The following RBMS2 variants were observed in gnomAD, a reference collection of about 807,000 sequenced individuals.
RBMS2 encodes RNA-binding motif, single-stranded-interacting protein 2.
A neutral mutation model predicts 58.4 loss-of-function variants in RBMS2; 38 were observed. The observed-to-expected ratio is 0.65, with a 90% CI of 0.50 to 0.85. The LOEUF (loss-of-function observed/expected upper bound fraction) is 0.85, where lower values mean the gene tolerates loss of function less well. Ranked by LOEUF, RBMS2 falls within the 40% of genes least tolerant of loss-of-function variation. RBMS2 has a pLI of 0.00. For synonymous variants in RBMS2, 151 were observed against 180.7 expected (o/e 0.84, Z 1.32); for missense variants, 367 against 503.7 (o/e 0.73, Z 2.60).
At chr12:56,525,954 C>T (rs1416942864) in intron 1 of RBMS2, among the ~76,000 whole-genome samples, 3 of 151,998 alleles carry the variant, frequency 2.0e-5, no homozygotes, top group East Asian at 1.9e-4. Flanking sequence ...TGAGCCACCA[C>T]GCCCTACCTA....
chr12:56,540,481 C>T (rs1015560871), intron 1 of RBMS2, among the ~76,000 whole-genome samples: 1 of 152,106 alleles, frequency 6.6e-6, no homozygotes, highest in African/African-American at 2.4e-5. Context: ...TCAGGTGATC[C>T]TCCTGCCTTA....
At chr12:56,560,338 C>A (rs1029381071) in intron 1 of RBMS2, among the ~76,000 whole-genome samples, 4 of 151,342 alleles carry the variant, frequency 2.6e-5, no homozygotes, top group African/African-American at 9.7e-5. Flanking sequence ...CTCACTGCAA[C>A]CTCTGCCTCC....
chr12:56,568,539 CTT>C (rs1257717979), intron 2 of RBMS2, among the ~76,000 whole-genome samples: 9 of 136,020 alleles, frequency 6.6e-5, no homozygotes, highest in Admixed American at 7.8e-5. Flanking sequence ...TCTTTTTTTT[CTT>C]TTTTTTTTTT....
At chr12:56,549,437 CATT>C (rs1223768217) in intron 1 of RBMS2, among the ~76,000 whole-genome samples, 2 of 152,122 alleles carry the variant, frequency 1.3e-5, no homozygotes, top group Non-Finnish European at 2.9e-5. Flanking sequence ...CTCCTTCTAT[CATT>C]ATAATCTCTT....
intron 1 of RBMS2, among the ~76,000 whole-genome samples, chr12:56,527,618 AAAACAAAAAC>A (rs1275214706): frequency 1.3e-5 from 2 of 152,070 alleles, no homozygotes; most frequent in African/African-American, 4.8e-5. Flanking sequence ...CCATCTCAAA[AAAACAAAAAC>A]AAACAAAAAC....
chr12:56,564,150 C>T (rs1031037889), intron 2 of RBMS2, among the ~76,000 whole-genome samples: 7 of 151,198 alleles, frequency 4.6e-5, no homozygotes, highest in African/African-American at 7.3e-5. Flanking sequence ...TGGGGTTTTA[C>T]TGTGTTGTCC....
chr12:56,572,059 C>T (rs1449879542), intron 5 of RBMS2, among the ~76,000 whole-genome samples: 1 of 152,072 alleles, frequency 6.6e-6, no homozygotes, highest in Non-Finnish European at 1.5e-5. Context: ...GAGGCCAAGG[C>T]AGGCATATCA....
Position 56,588,429 on chromosome 12 carries a change from T to C in RBMS2, c.1143+55T>C, listed in dbSNP as rs1884979772. 8.1e-6 allele frequency: 12 copies of C among 1,472,894 alleles called. No homozygotes were observed. In the South Asian group the frequency reaches 1.1e-4, roughly 14 times the overall value. The allele number at this position is 1,472,894 out of a possible 1,614,324, so 91.2% of individuals were successfully genotyped here. ...GATTAGGAAAATGAACGGAGGCAGGTTTCCCCCTGATCAAGATCTTTCTCT... is the reference window on the plus strand; with the variant it reads ...GATTAGGAAAATGAACGGAGGCAGGCTTCCCCCTGATCAAGATCTTTCTCT... On this transcript the variant is annotated intron_variant, in intron 12 of 13. Coordinates refer to ENST00000262031, the MANE Select transcript of RBMS2 (RefSeq NM_002898.4).
chr12:56,570,567 C>G (rs779856583), intron 4 of RBMS2, among the ~76,000 whole-genome samples: 4 of 152,072 alleles, frequency 2.6e-5, no homozygotes, highest in Non-Finnish European at 4.4e-5. Context: ...CCTTGCCTTT[C>G]TATTTTATTT....
chr12:56,587,128 G>A (rs1370907527), intron 10 of RBMS2, among the ~76,000 whole-genome samples: 4 of 152,184 alleles, frequency 2.6e-5, no homozygotes, highest in African/African-American at 7.2e-5. Flanking sequence ...TTAGCCAGGT[G>A]TAGTGGCGGG....
chr12:56,550,757 G>A (rs1878105943), intron 1 of RBMS2, among the ~76,000 whole-genome samples: 1 of 151,584 alleles, frequency 6.6e-6, no homozygotes, highest in African/African-American at 2.4e-5. Flanking sequence ...TAGGAGAATC[G>A]CTTGAACCCA....
At chr12:56,577,025 A>T (rs973547142) in intron 5 of RBMS2, among the ~76,000 whole-genome samples, 44 of 121,082 alleles carry the variant, frequency 3.6e-4, no homozygotes, top group African/African-American at 1.4e-3. Flanking sequence ...TGGATGACAG[A>T]GTGAGATTCC....
At chr12:56,558,770 ATT>A (rs71081380) in intron 1 of RBMS2, among the ~76,000 whole-genome samples, 14 of 149,302 alleles carry the variant, frequency 9.4e-5, no homozygotes, top group Admixed American at 2.7e-4. Context: ...TAATTTTTGC[ATT>A]TTTTTTTTAT....
intron 1 of RBMS2, among the ~76,000 whole-genome samples, chr12:56,546,711 C>T (rs533529499): frequency 6.6e-6 from 1 of 152,032 alleles, no homozygotes; most frequent in African/African-American, 2.4e-5. Flanking sequence ...TCAAATGATC[C>T]GACTGCCTCA....
At chr12:56,536,551 CTCCTTCTT>C (rs1039833458) in intron 1 of RBMS2, among the ~76,000 whole-genome samples, 2 of 150,292 alleles carry the variant, frequency 1.3e-5, no homozygotes, top group African/African-American at 4.9e-5. Context: ...CTCTCCTTCT[CTCCTTCTT>C]TCTTTTTTTT....
intron 2 of RBMS2, among the ~76,000 whole-genome samples, chr12:56,567,649 T>C (rs1881595814): frequency 6.6e-6 from 1 of 151,930 alleles, no homozygotes; most frequent in South Asian, 2.1e-4. Flanking sequence ...CCAGCCTGGG[T>C]AGCATAGTAA....
At chr12:56,583,212 A>T (rs1466059236) in intron 9 of RBMS2, among the ~76,000 whole-genome samples, 2 of 152,112 alleles carry the variant, frequency 1.3e-5, no homozygotes. Flanking sequence ...CAGGAGGTGG[A>T]TTGCTAGGTT....
chr12:56,542,193 G>C (rs939220853), intron 1 of RBMS2, among the ~76,000 whole-genome samples: 1 of 151,600 alleles, frequency 6.6e-6, no homozygotes, highest in Non-Finnish European at 1.5e-5. Flanking sequence ...GACTACTTAC[G>C]GGCACATGCC....
chr12:56,568,327 C>T (rs181424289), intron 2 of RBMS2, among the ~76,000 whole-genome samples: 1 of 152,268 alleles, frequency 6.6e-6, no homozygotes, highest in Admixed American at 6.5e-5. Flanking sequence ...AGCCAGAGCT[C>T]TGCCTCTACA....
Sources: gnomAD v4.1 joint callset for allele counts (sites outside exome capture counted in the v4.1 genomes callset) on GRCh38, gnomAD v4.1.1 for gene constraint, MANE v1.5 for transcripts, NCBI Gene and HGNC (gene_info 2026-07-23, HGNC 2026-07-21) for gene names.